FANCD2: variants seen among roughly 807,000 people sequenced by gnomAD.
FANCD2 encodes Fanconi anemia group D2 protein.
FANCD2 carries 131 observed loss-of-function variants against 192.3 expected under a neutral mutation model. That is an observed-to-expected ratio of 0.68 (90% CI 0.59 to 0.79). The LOEUF (loss-of-function observed/expected upper bound fraction) is 0.79, where lower values mean the gene tolerates loss of function less well. Ranked by LOEUF, FANCD2 falls within the 30% of genes least tolerant of loss-of-function variation. FANCD2 has a pLI of 0.00. For synonymous variants in FANCD2, 524 were observed against 612.5 expected (o/e 0.86, Z 2.13); for missense variants, 1,508 against 1,701.6 (o/e 0.89, Z 2.00).
intron 16 of FANCD2, among the ~76,000 whole-genome samples, chr3:10,049,101 A>C (rs576840847): frequency 6.6e-6 from 1 of 152,268 alleles, no homozygotes; most frequent in South Asian, 2.1e-4. Context: ...AAAAAGAAAG[A>C]GGAAAACTAC....
chr3:10,041,582 C>T (rs1473087994), intron 9 of FANCD2, 41 bp from the exon 10 acceptor site: 7 of 1,378,748 alleles, frequency 5.1e-6, no homozygotes, highest in Non-Finnish European at 7.2e-6. Flanking sequence ...CAGCTCTGTT[C>T]AAACCATTAT....
At chr3:10,094,179 T>G (rs577363597) in intron 39 of FANCD2, 110 bp from the exon 40 acceptor site, 4 of 792,918 alleles carry the variant, frequency 5.0e-6, no homozygotes, top group Non-Finnish European at 8.6e-6. Context: ...TTGTTTTTTA[T>G]ATATATAAAT....
At chr3:10,040,696 G>C (rs1480507739) in intron 9 of FANCD2, 1 of 374,298 alleles carries the variant, frequency 2.7e-6, no homozygotes, top group African/African-American at 2.1e-5. Context: ...ACTTTTTATT[G>C]TACTAGAAGT....
At chr3:10,043,453 G>A (rs1375500531) in intron 12 of FANCD2, 31 bp from the exon 13 acceptor site, 3 of 1,552,082 alleles carry the variant, frequency 1.9e-6, no homozygotes, top group East Asian at 2.2e-5. Flanking sequence ...GTACGTAGAA[G>A]AGTAATTTTT....
chr3:10,039,974 A>AGG, intron 9 of FANCD2, 129 bp downstream of exon 9: 1 of 929,882 alleles, frequency 1.1e-6, no homozygotes, highest in Non-Finnish European at 1.6e-6. Flanking sequence ...CTTCATGAGT[A>AGG]GGGTATGGGA....
chr3:10,039,382 G>A, intron 8 of FANCD2, 25 bp downstream of exon 8: 1 of 1,547,648 alleles, frequency 6.5e-7, no homozygotes, highest in Admixed American at 1.7e-5. Flanking sequence ...TTTATCTCTT[G>A]AATTTAAAGA....
chr3:10,036,039 A>G (rs527501433), intron 6 of FANCD2, among the ~76,000 whole-genome samples: 1 of 151,358 alleles, frequency 6.6e-6, no homozygotes, highest in South Asian at 2.1e-4. Flanking sequence ...CAACTTTAGC[A>G]AAGTGTTTAT....
chr3:10,040,033 C>CTTTTTTT (rs570512566), intron 9 of FANCD2, 188 bp downstream of exon 9: 7 of 343,588 alleles, frequency 2.0e-5, no homozygotes, highest in East Asian at 5.2e-5. Context: ...CACATACTTT[C>CTTTTTTT]TTTTTTTTTT....
In FANCD2 at chr3:10,090,311, T is replaced by A; in HGVS notation, c.3703T>A (p.Phe1235Ile). Residue 1235 changes from phenylalanine to isoleucine, a missense_variant, in exon 37 of 44, where the codon TTC becomes ATC. By Grantham distance (21) the Phe-to-Ile change is conservative. Transcript: ENST00000675286. Reference protein sequence around the residue: ...TLTRHTFVVFFRVMMAELEKT... With the variant: ...TLTRHTFVVFIRVMMAELEKT... ...TTCTAGGCATACTTTTGTTGTTTTCTTCCGTGTGATGATGGCTGAACTAGA... is the reference window on the plus strand; with the variant it reads ...TTCTAGGCATACTTTTGTTGTTTTCATCCGTGTGATGATGGCTGAACTAGA... 1 of 1,613,660 alleles carries A rather than the reference T, an allele frequency of 6.2e-7. No individual in the cohort carries two copies. The highest frequency in any genetic ancestry group is 8.5e-7 in the Non-Finnish European group (1 of 1,179,812).
At chr3:10,056,131 G>A (rs1306591182) in intron 18 of FANCD2, among the ~76,000 whole-genome samples, 2 of 152,106 alleles carry the variant, frequency 1.3e-5, no homozygotes, top group African/African-American at 4.8e-5. Flanking sequence ...CGCCTGCCTC[G>A]GCCTCCCAAA....
At chr3:10,046,373 T>C (rs1310711158) in intron 14 of FANCD2, 2 of 710,860 alleles carry the variant, frequency 2.8e-6, no homozygotes, top group Admixed American at 2.7e-5. Flanking sequence ...TCTTAAGGGG[T>C]ATCAATGGTT....
In FANCD2 at chr3:10,101,336, G is replaced by T. The variant is rs561218090; in HGVS notation, c.*74G>T. 2.8e-6 allele frequency: 3 copies of T among 1,077,818 alleles called. No homozygotes were observed. Among genetic ancestry groups the T allele is most frequent in the Non-Finnish European group, 4.3e-6 (3 of 698,512 alleles). The allele number at this position is 1,077,818 out of a possible 1,614,324, so 66.8% of individuals were successfully genotyped here. A position where few individuals can be genotyped will look rare whatever the true frequency, so the allele number is the denominator to read the frequency against. The stretch of plus-strand genomic sequence containing the variant: ...CATTTTGTGTTAGAGTTTGAAATCC[G>T]CTGTTTGCCTTTCTTACTGGTAGGA... On this transcript the variant is annotated 3_prime_UTR_variant, in exon 44 of 44. Transcript: ENST00000675286.
intron 42 of FANCD2, among the ~76,000 whole-genome samples, chr3:10,097,344 G>A (rs902599942): frequency 6.6e-6 from 1 of 152,148 alleles, no homozygotes; most frequent in Non-Finnish European, 1.5e-5. Flanking sequence ...AGCGCTATAG[G>A]AGACTGGAGT....
intron 1 of FANCD2, among the ~76,000 whole-genome samples, chr3:10,027,780 C>T (rs1307181035): frequency 6.6e-6 from 1 of 151,798 alleles, no homozygotes; most frequent in Non-Finnish European, 1.5e-5. Context: ...TGGCGGGCGC[C>T]TGTAGTCCCA....
At chr3:10,054,071 G>T (rs1302098139) in intron 18 of FANCD2, among the ~76,000 whole-genome samples, 1 of 151,778 alleles carries the variant, frequency 6.6e-6, no homozygotes, top group Non-Finnish European at 1.5e-5. Flanking sequence ...AATTAGCCAG[G>T]TGTGGTGGCA....
intron 27 of FANCD2, 68 bp downstream of exon 27, chr3:10,073,049 TG>T (rs1693343145): frequency 1.0e-6 from 1 of 954,946 alleles, no homozygotes; most frequent in Non-Finnish European, 1.7e-6. Flanking sequence ...CTAAAAGTTA[TG>T]TGTATCATGG....
chr3:10,060,460 G>A, intron 19 of FANCD2, 57 bp downstream of exon 19: 2 of 1,254,232 alleles, frequency 1.6e-6, no homozygotes, highest in Non-Finnish European at 2.3e-6. Flanking sequence ...TGCTAACTAA[G>A]TGTTACATCT....
At chr3:10,043,172 AG>A (rs752401644) in intron 12 of FANCD2, 22 bp downstream of exon 12, 43 of 1,587,938 alleles carry the variant, frequency 2.7e-5, no homozygotes, top group Middle Eastern at 1.7e-4. Flanking sequence ...ATCCTCACAC[AG>A]GATGTCACAA....
At chr3:10,082,363 C>T (rs1439776333) in intron 32 of FANCD2, among the ~76,000 whole-genome samples, 1 of 152,180 alleles carries the variant, frequency 6.6e-6, no homozygotes, top group Non-Finnish European at 1.5e-5. Flanking sequence ...CTGGACTGGG[C>T]TAGGTTCACA....
Sources: gnomAD v4.1 joint callset for allele counts (sites outside exome capture counted in the v4.1 genomes callset) on GRCh38, gnomAD v4.1.1 for gene constraint, MANE v1.5 for transcripts, NCBI Gene and HGNC (gene_info 2026-07-23, HGNC 2026-07-21) for gene names.